The following FGF13 variants were observed in gnomAD, a reference collection of about 807,000 sequenced individuals.
FGF13 encodes the protein fibroblast growth factor homologous factor 2.
In FGF13, 2 loss-of-function variants were observed where a neutral mutation model predicts 19.5. The ratio of observed to expected loss-of-function variants is 0.10; its 90% CI spans 0.04 to 0.32. The LOEUF (loss-of-function observed/expected upper bound fraction) is 0.32, where lower values mean the gene tolerates loss of function less well. Among genes scored for constraint, FGF13 ranks in the 10% least tolerant of loss-of-function variants. The pLI, the probability that FGF13 is intolerant of heterozygous loss-of-function variation, is 1.00. For synonymous variants in FGF13, 72 were observed against 76.9 expected, an observed-to-expected ratio of 0.94 and a Z score of 0.33; for missense variants, 113 against 192.7, an observed-to-expected ratio of 0.59 and a Z score of 2.45.
intron 1 of FGF13, among the ~76,000 whole-genome samples, chrX:138,891,165 G>T (rs894697085): frequency 9.0e-6 from 1 of 111,706 alleles, no homozygotes; most frequent in Non-Finnish European, 1.9e-5. Flanking sequence ...GGCACCTGTA[G>T]TTCCAGCTAC....
chrX:138,929,826 C>T (rs2124256436), intron 1 of FGF13, among the ~76,000 whole-genome samples: 1 of 106,904 alleles, frequency 9.4e-6, no homozygotes, highest in East Asian at 3.0e-4. Context: ...CAGCATTCAC[C>T]CTGGTCCATT....
At chrX:139,033,552 A>G (rs1195669754) in intron 1 of FGF13, among the ~76,000 whole-genome samples, 3 of 112,164 alleles carry the variant, frequency 2.7e-5, no homozygotes, top group Non-Finnish European at 5.6e-5. Flanking sequence ...GAAAGATGAA[A>G]AAGTTTTTAC....
intron 1 of FGF13, among the ~76,000 whole-genome samples, chrX:139,049,076 C>G (rs777046827): frequency 9.0e-6 from 1 of 111,113 alleles, no homozygotes; most frequent in African/African-American, 3.3e-5. Context: ...TAAGAGTTGG[C>G]ATTATTTTCT....
chrX:139,197,341 T>G (rs1295894388), intron 1 of FGF13, among the ~76,000 whole-genome samples: 1 of 112,741 alleles, frequency 8.9e-6, no homozygotes, highest in Non-Finnish European at 1.9e-5. Context: ...ATTAGATATA[T>G]GTAAAAATAA....
In FGF13 at chrX:138,973,703, T is replaced by C. The variant is rs183429708; in HGVS notation, c.-112-109053A>G. Among the ~76,000 whole-genome samples the C allele has an allele frequency of 2.3e-3, 261 of 111,890 alleles. 1 individual carries two copies. The highest frequency in any genetic ancestry group is 7.6e-3 in the African/African-American group (234 of 30,824). ...TTGGGTGCATGTATATTTGCAATTA[T>C]TGTATCTTCTTTCTGTATTCCCCTT... is the stretch of plus-strand genomic sequence containing the variant. On this transcript the variant is annotated intron_variant, in intron 1 of 2. Coordinates refer to the FGF13 transcript ENST00000421460.
chrX:138,914,636 C>CTTTT (rs34940979), intron 1 of FGF13, among the ~76,000 whole-genome samples: 1,026 of 76,922 alleles, frequency 0.013, 38 homozygotes, highest in African/African-American at 0.048. Flanking sequence ...TTGTGTTGGA[C>CTTTT]TTTTTTTTTT....
rs192545317 is a variant in FGF13, at chrX:138,954,236, G to C, written c.-112-89586C>G. 9.0e-5 allele frequency among the ~76,000 whole-genome samples: 10 copies of C among 111,255 alleles called. No individual in the cohort carries two copies. The East Asian group carries it at 2.6e-3, about 28-fold the overall frequency. On this transcript the variant is annotated intron_variant, in intron 1 of 2. Transcript: ENST00000421460. ...AATATTTATTTACTGAGTCTCTGTT[G>C]TATGACAAACGCTGTTCTTATTGCT... is the stretch of plus-strand genomic sequence containing the variant.
intron 1 of FGF13, among the ~76,000 whole-genome samples, chrX:138,979,693 T>G (rs1259433205): frequency 9.0e-6 from 1 of 110,948 alleles, no homozygotes; most frequent in Admixed American, 9.6e-5. Flanking sequence ...ACACAGAGAC[T>G]CCTGAAAAAG....
intron 1 of FGF13, among the ~76,000 whole-genome samples, chrX:139,033,952 A>G (rs185532092): frequency 8.9e-6 from 1 of 111,926 alleles, no homozygotes; most frequent in East Asian, 2.8e-4. Flanking sequence ...ATCAGCAGGG[A>G]AAAGTAATGT....
At chrX:138,772,018 G>GTGTATATA (rs1271115343) in intron 3 of FGF13, among the ~76,000 whole-genome samples, 22 of 56,520 alleles carry the variant, frequency 3.9e-4, no homozygotes, top group African/African-American at 1.1e-3. Context: ...ATACATATGT[G>GTGTATATA]TATATATATA....
At chrX:138,704,555 G>A (rs1320425934) in intron 2 of FGF13, among the ~76,000 whole-genome samples, 1 of 112,187 alleles carries the variant, frequency 8.9e-6, no homozygotes, top group Non-Finnish European at 1.9e-5. Flanking sequence ...TTCTGGGATC[G>A]TTTATCTCTG....
At chrX:138,913,182 C>CTT (rs35078012) in intron 1 of FGF13, among the ~76,000 whole-genome samples, 19,939 of 37,120 alleles carry the variant, frequency 0.54, 7,286 homozygotes, top group South Asian at 0.66. Flanking sequence ...AAAGCATCTA[C>CTT]TTTTTTTTTT....
chrX:139,043,696 C>T (rs1259565791), intron 1 of FGF13, among the ~76,000 whole-genome samples: 1 of 111,403 alleles, frequency 9.0e-6, no homozygotes, highest in Non-Finnish European at 1.9e-5. Context: ...TCACAATAGC[C>T]AAAAAGTGGA....
chrX:138,900,257 A>G (rs1343999077), intron 1 of FGF13, among the ~76,000 whole-genome samples: 1 of 111,237 alleles, frequency 9.0e-6, no homozygotes, highest in Non-Finnish European at 1.9e-5. Context: ...GGATCCAGAC[A>G]GGATCATGTC....
chrX:139,189,684 G>A (rs1381761889), intron 1 of FGF13, among the ~76,000 whole-genome samples: 1 of 111,734 alleles, frequency 8.9e-6, no homozygotes, highest in Non-Finnish European at 1.9e-5. Context: ...GGGTAATGGG[G>A]AAATGGGGAA....
rs1393894019 is a variant in FGF13 at position 138,618,891 on chromosome X, G to C, written c.*13959C>G. The stretch of plus-strand genomic sequence containing the variant: ...AGTGACACATCTACAGAAAAGATGT[G>C]CAAGAGTCTTAGTATCCCCAGTCAG... On this transcript the variant is annotated 3_prime_UTR_variant, in exon 5 of 5. Transcript: ENST00000315930. 2 of 111,534 alleles carry C rather than the reference G, an allele frequency of 1.8e-5. No homozygotes were observed. Among genetic ancestry groups the C allele is most frequent in the Middle Eastern group, 4.6e-3 (1 of 217 alleles). The allele number at this position is 111,534 out of a possible 1,213,427, so 9.2% of individuals were successfully genotyped here.
chrX:138,776,119 T>C (rs1051982835), intron 3 of FGF13, among the ~76,000 whole-genome samples: 5 of 112,323 alleles, frequency 4.5e-5, no homozygotes, highest in African/African-American at 9.7e-5. Context: ...GTTCCTCATA[T>C]GCAGCTTCCC....
chrX:139,177,304 C>T lies in FGF13; in HGVS notation c.-113+26112G>A, dbSNP rs770588846. On this transcript the variant is annotated intron_variant, in intron 1 of 2. Coordinates refer to the FGF13 transcript ENST00000421460. ...TATTCCTCCATCCCTTCACTTTGAG[C>T]CTCTGTGTGTCTTTGCACATGAGAT... Among the ~76,000 whole-genome samples, 8 of 91,838 alleles carry T rather than the reference C, an allele frequency of 8.7e-5. No individual in the cohort carries two copies. The East Asian group carries it at 1.1e-3, about 13-fold the overall frequency. 79.8% of individuals were successfully genotyped at this position (91,838 alleles called of 115,157 possible).
intron 1 of FGF13, among the ~76,000 whole-genome samples, chrX:138,876,138 G>A (rs1401601354): frequency 1.8e-5 from 2 of 111,466 alleles, no homozygotes; most frequent in African/African-American, 6.5e-5. Context: ...TACCAAGTTT[G>A]ACATGGCTGC....
Sources: gnomAD v4.1 joint callset for allele counts (sites outside exome capture counted in the v4.1 genomes callset) on GRCh38, gnomAD v4.1.1 for gene constraint, MANE v1.5 for transcripts, NCBI Gene and HGNC (gene_info 2026-07-23, HGNC 2026-07-21) for gene names.